The following ADK variants were observed in gnomAD, a reference collection of about 807,000 sequenced individuals.
The protein encoded by ADK is N6,N6-dimethyladenosine kinase.
In ADK, 24 loss-of-function variants were observed where a neutral mutation model predicts 44.7. That is an observed-to-expected ratio of 0.54 (90% CI 0.39 to 0.76). ADK has a LOEUF of 0.76. Among genes scored for constraint, ADK ranks in the 30% least tolerant of loss-of-function variants. ADK has a pLI of 0.00. For synonymous variants in ADK, 128 were observed against 142.6 expected, an observed-to-expected ratio of 0.90 and a Z score of 0.73; for missense variants, 321 against 425.1, an observed-to-expected ratio of 0.76 and a Z score of 2.15.
At chr10:74,405,410 TTTAGA>T (rs528770172) in intron 6 of ADK, among the ~76,000 whole-genome samples, 23 of 151,754 alleles carry the variant, frequency 1.5e-4, no homozygotes, top group Non-Finnish European at 3.2e-4. Context: ...TTTTATTCAG[TTTAGA>T]TTAATGTATA....
chr10:74,684,929 A>T (rs116149604), intron 10 of ADK, among the ~76,000 whole-genome samples: 158 of 152,348 alleles, frequency 1.0e-3, no homozygotes, highest in African/African-American at 3.6e-3. Context: ...AAAATATTCT[A>T]GCTTACTTTA....
chr10:74,677,550 C>T (rs1418014549), intron 10 of ADK, among the ~76,000 whole-genome samples: 1 of 152,148 alleles, frequency 6.6e-6, no homozygotes, highest in African/African-American at 2.4e-5. Flanking sequence ...TACCCCCTTC[C>T]TTTGCTCTCC....
At chr10:74,216,738 A>ATT (rs1844049962) in intron 2 of ADK, among the ~76,000 whole-genome samples, 1 of 145,926 alleles carries the variant, frequency 6.9e-6, no homozygotes, top group Non-Finnish European at 1.5e-5. Context: ...AAAAAAAATA[A>ATT]AAAAAAAAAA....
intron 6 of ADK, among the ~76,000 whole-genome samples, chr10:74,423,272 C>A (rs188319145): frequency 5.3e-5 from 8 of 152,310 alleles, no homozygotes; most frequent in African/African-American, 1.9e-4. Context: ...TGGAATAACT[C>A]ACTCTGGCCT....
At chr10:74,327,756 A>G (rs2131838706) in intron 4 of ADK, among the ~76,000 whole-genome samples, 2 of 152,254 alleles carry the variant, frequency 1.3e-5, no homozygotes, top group East Asian at 3.9e-4. Flanking sequence ...TAAAAAAAAA[A>G]GTTGTCTACT....
chr10:74,243,705 ATAC>A (rs757898426), intron 3 of ADK, among the ~76,000 whole-genome samples: 44 of 152,274 alleles, frequency 2.9e-4, no homozygotes, highest in Non-Finnish European at 5.7e-4. Context: ...TCTACTAACA[ATAC>A]AAAAGTTAGC....
chr10:74,480,402 G>A (rs2133347790), intron 6 of ADK, among the ~76,000 whole-genome samples: 1 of 151,500 alleles, frequency 6.6e-6, no homozygotes, highest in East Asian at 1.9e-4. Flanking sequence ...CTAATTTGTT[G>A]TTTTTTGTTG....
chr10:74,457,071 G>A (rs1402920445), intron 6 of ADK, among the ~76,000 whole-genome samples: 1 of 152,100 alleles, frequency 6.6e-6, no homozygotes, highest in African/African-American at 2.4e-5. Context: ...TAACAAAATA[G>A]ATAGACTGCT....
intron 5 of ADK, among the ~76,000 whole-genome samples, chr10:74,395,884 A>G (rs1843488443): frequency 6.6e-6 from 1 of 151,844 alleles, no homozygotes; most frequent in Admixed American, 6.6e-5. Flanking sequence ...CCAGGTGTGC[A>G]CCTGTAATCC....
intron 6 of ADK, among the ~76,000 whole-genome samples, chr10:74,491,814 CG>C (rs1847500745): frequency 6.6e-6 from 1 of 151,960 alleles, no homozygotes; most frequent in Non-Finnish European, 1.5e-5. Flanking sequence ...CTTTCCCCCC[CG>C]ATAGAAACTA....
chr10:74,236,661 C>T (rs953021449), intron 3 of ADK, among the ~76,000 whole-genome samples: 1 of 152,120 alleles, frequency 6.6e-6, no homozygotes, highest in Non-Finnish European at 1.5e-5. Flanking sequence ...CCTATACAGG[C>T]ACACCTTGGA....
intron 6 of ADK, among the ~76,000 whole-genome samples, chr10:74,444,247 A>G (rs1166953024): frequency 2.6e-5 from 4 of 152,138 alleles, no homozygotes; most frequent in Admixed American, 2.6e-4. Context: ...CTCTTTCATA[A>G]AGGCTTAATT....
intron 9 of ADK, among the ~76,000 whole-genome samples, chr10:74,646,002 A>C (rs1854041998): frequency 1.3e-5 from 2 of 152,216 alleles, no homozygotes; most frequent in African/African-American, 4.8e-5. Context: ...TTAACAGAGG[A>C]TAGAATGGAA....
intron 3 of ADK, among the ~76,000 whole-genome samples, chr10:74,250,282 A>G (rs1845599957): frequency 6.6e-6 from 1 of 152,212 alleles, no homozygotes; most frequent in Non-Finnish European, 1.5e-5. Flanking sequence ...TAGAGAACTA[A>G]TATTTGAGGA....
chr10:74,275,780 T>C (rs1846648853), intron 3 of ADK, among the ~76,000 whole-genome samples: 1 of 152,078 alleles, frequency 6.6e-6, no homozygotes, highest in Non-Finnish European at 1.5e-5. Flanking sequence ...AGCCTCAGCC[T>C]CCAGTGCGGA....
intron 6 of ADK, among the ~76,000 whole-genome samples, chr10:74,508,678 T>A (rs1171720972): frequency 1.3e-5 from 2 of 152,186 alleles, no homozygotes; most frequent in African/African-American, 4.8e-5. Context: ...CCTTGGGTCT[T>A]ATCAAATTAT....
intron 3 of ADK, among the ~76,000 whole-genome samples, chr10:74,274,993 A>G (rs1012340979): frequency 7.9e-5 from 12 of 151,756 alleles, no homozygotes; most frequent in Non-Finnish European, 1.6e-4. Context: ...TGGAGAATGT[A>G]GACAGTTCTT....
intron 1 of ADK, among the ~76,000 whole-genome samples, chr10:74,154,717 A>G (rs1841702655): frequency 6.6e-6 from 1 of 152,180 alleles, no homozygotes; most frequent in Non-Finnish European, 1.5e-5. Flanking sequence ...TGGCACCAGT[A>G]ACCTCCTTTA....
chr10:74,541,074 G>A (rs181794265), intron 7 of ADK, among the ~76,000 whole-genome samples: 2 of 151,964 alleles, frequency 1.3e-5, no homozygotes, highest in Admixed American at 1.3e-4. Context: ...GAGTGCAGTG[G>A]CATCATCTCG....
Sources: allele counts gnomAD v4.1 joint callset (sites outside exome capture counted in the v4.1 genomes callset), GRCh38; gene constraint gnomAD v4.1.1; transcripts MANE v1.5; gene names NCBI Gene and HGNC (gene_info 2026-07-23, HGNC 2026-07-21).